The following ATR variants were observed in gnomAD, a reference collection of about 807,000 sequenced individuals.
The protein encoded by ATR is ATR checkpoint kinase.
A neutral mutation model predicts 305.3 loss-of-function variants in ATR; 142 were observed. That is an observed-to-expected ratio of 0.47 (90% CI 0.41 to 0.53). The LOEUF is 0.53. Ranked by LOEUF, ATR falls within the 20% of genes least tolerant of loss-of-function variation. The probability of loss-of-function intolerance (pLI) is 0.00; values close to 1 mark genes in which losing one functional copy is unlikely to be tolerated. For missense variants in ATR, 2,135 were observed against 3,133.1 expected (o/e 0.68, Z 7.60); for synonymous variants, 1,050 against 1,068.1 (o/e 0.98, Z 0.33).
At chr3:142,461,032 C>T (rs2071013517) in intron 42 of ATR, among the ~76,000 whole-genome samples, 1 of 152,146 alleles carries the variant, frequency 6.6e-6, no homozygotes, top group South Asian at 2.1e-4. Flanking sequence ...TTACACATTA[C>T]ATTTAGTTGT....
chr3:142,522,827 A>G lies in ATR; in HGVS notation c.4167T>C (p.Asp1389=). Residue 1389 remains aspartate (D), a synonymous_variant, in exon 23 of 47, where the codon GAT becomes GAC. Coordinates refer to ENST00000350721, the MANE Select transcript of ATR (RefSeq NM_001184.4). ...TCAATAATCCATAGGCAAAGCTTGAATCTTCTACTCCAGTCTCAATCAGAA... is the reference window on the plus strand; with the variant it reads ...TCAATAATCCATAGGCAAAGCTTGAGTCTTCTACTCCAGTCTCAATCAGAA... The part of the protein sequence containing the change: ...KDFTFVTGVE[D]SSFAYGLLME... 1 of 1,611,424 alleles carries G rather than the reference A, an allele frequency of 6.2e-7. No homozygotes were observed. The highest frequency in any genetic ancestry group is 8.5e-7 in the Non-Finnish European group (1 of 1,177,714).
chr3:142,516,704 C>A (rs980685405), intron 24 of ATR, among the ~76,000 whole-genome samples: 1 of 152,100 alleles, frequency 6.6e-6, no homozygotes, highest in South Asian at 2.1e-4. Context: ...AAAAAGAGAT[C>A]TATTCCTTCT....
intron 25 of ATR, among the ~76,000 whole-genome samples, chr3:142,513,907 T>A (rs1453891318): frequency 6.6e-6 from 1 of 151,974 alleles, no homozygotes; most frequent in Admixed American, 6.6e-5. Context: ...ACCCATAATA[T>A]TCCAGAGCTG....
Position 142,563,077 on chromosome 3 carries a change from G to A in ATR, c.325C>T (p.Arg109Trp), listed in dbSNP as rs146405935. 3.7e-4 allele frequency: 590 copies of A among 1,603,434 alleles called. 4 individuals carry two copies. In the East Asian group the frequency reaches 0.012, roughly 34 times the overall value. The change falls in exon 4 of 47, where the codon CGG becomes TGG. Residue 109 changes from arginine to tryptophan, a missense_variant. Around this residue, in one of 9 missense-constraint regions of ATR, gnomAD observed 744 missense variants for 873.2 expected, o/e 0.85. Transcript: ENST00000350721. ...TGACAGGAGGGAGTTGCTGCAATCC[G>A]CAGAAGTCTCGTTATGATCCAATTA... ...FSNWIITRLL[R>W]IAATPSCHLL...
chr3:142,557,180 T>A (rs1480539706), intron 8 of ATR, among the ~76,000 whole-genome samples: 1 of 152,112 alleles, frequency 6.6e-6, no homozygotes, highest in East Asian at 1.9e-4. Context: ...TCTTTTTTTT[T>A]AATGTGCTCT....
rs1309474194 is a variant in ATR at position 142,505,264 on chromosome 3, C to T, written c.5071G>A (p.Gly1691Arg). The change falls in exon 29 of 47, where the codon GGA (glycine) becomes AGA (arginine). Residue 1691 changes from glycine to arginine, a missense_variant. By Grantham distance (125) the Gly-to-Arg change is moderately radical. This residue lies in a region of ATR where 45 missense variants were observed against 80.4 expected (regional missense o/e 0.56). Transcript: ENST00000350721. ...AAMHEPDGVAGVSAIRKAEPS... is the reference protein window; with the variant it reads ...AAMHEPDGVARVSAIRKAEPS... ...TCTGCCTTTCTAATTGCACTGACTC[C>T]GGCCACTCCATCAGGTTCATGCATA... 17 of 1,613,824 alleles carry T rather than the reference C, an allele frequency of 1.1e-5. No homozygotes were observed. Among genetic ancestry groups the T allele is most frequent in the African/African-American group, 8.0e-5 (6 of 74,854 alleles).
In ATR at chr3:142,562,408, C is replaced by T. The variant is rs147932626; in HGVS notation, c.994G>A (p.Gly332Ser). ...TCAGACTTAAGCCGCATGAGCACAC[C>T]GTCTTCAAACATGACACAGAGTTTT... ...LEKLCVMFED[G>S]VLMRLKSDLL... The change falls in exon 4 of 47, where the codon GGT becomes AGT. Residue 332 changes from glycine (G) to serine (S), a missense_variant. By Grantham distance (56) the Gly-to-Ser change is moderately conservative. Coordinates refer to ENST00000350721, the MANE Select transcript of ATR (RefSeq NM_001184.4). The T allele has an allele frequency of 1.5e-5, 24 of 1,613,922 alleles. No homozygotes were observed. The African/African-American group carries it at 2.0e-4, about 13-fold the overall frequency.
Position 142,553,639 on chromosome 3 carries a change from C to T in ATR, c.2633+1G>A. ...AAGAACACAAATGCTGCCAAGTATACCTTCCAATATCCCCTGTTGTAAGAA... is the reference window on the plus strand; with the variant it reads ...AAGAACACAAATGCTGCCAAGTATATCTTCCAATATCCCCTGTTGTAAGAA... On this transcript the variant is annotated splice_donor_variant, in intron 12 of 46. Coordinates refer to ENST00000350721, the MANE Select transcript of ATR (RefSeq NM_001184.4). LOFTEE classifies it high-confidence loss of function. 1 of 1,600,264 alleles carries T rather than the reference C, an allele frequency of 6.2e-7. No homozygotes were observed. Among genetic ancestry groups the T allele is most frequent in the African/African-American group, 1.3e-5 (1 of 74,662 alleles).
At chr3:142,547,121 A>G (rs547335570) in intron 16 of ATR, among the ~76,000 whole-genome samples, 44 of 152,358 alleles carry the variant, frequency 2.9e-4, no homozygotes, top group Non-Finnish European at 1.6e-4. Context: ...AAAAATAATA[A>G]TTTAATTCTG....
At position 142,466,539 on chromosome 3, in the gene ATR, A is replaced by G. The variant is rs2071135605; in HGVS notation, c.6688-6T>C. On this transcript the variant is annotated splice_polypyrimidine_tract_variant and splice_region_variant and intron_variant, in intron 39 of 46. Transcript: ENST00000350721. Reference sequence around the variant, plus strand: ...GTGGAACTACTTCCATCAACCTGAAAAAATAAATAGTGCATTTTAATTTGT... The same window carrying G: ...GTGGAACTACTTCCATCAACCTGAAGAAATAAATAGTGCATTTTAATTTGT... 6.2e-7 allele frequency: 1 copy of G among 1,609,802 alleles called. No homozygotes were observed. Among genetic ancestry groups the G allele is most frequent in the East Asian group, 2.2e-5 (1 of 44,770 alleles).
chr3:142,564,332 G>T (rs1417709509), intron 3 of ATR, among the ~76,000 whole-genome samples: 10 of 151,622 alleles, frequency 6.6e-5, no homozygotes, highest in African/African-American at 2.2e-4. Flanking sequence ...GACAGGCAAG[G>T]TCCTAGCTTT....
At chr3:142,571,920 C>T (rs901322445) in intron 1 of ATR, among the ~76,000 whole-genome samples, 2 of 152,068 alleles carry the variant, frequency 1.3e-5, no homozygotes, top group Non-Finnish European at 2.9e-5. Context: ...GCGTGTGCCA[C>T]CACACCCAGC....
At chr3:142,482,437 C>A (rs147372022) in intron 36 of ATR, among the ~76,000 whole-genome samples, 55 of 152,224 alleles carry the variant, frequency 3.6e-4, no homozygotes, top group African/African-American at 1.2e-3. Flanking sequence ...CTTTATATAG[C>A]CACTTGTTTT....
chr3:142,488,799 A>G (rs1257714601), intron 35 of ATR, among the ~76,000 whole-genome samples: 7 of 152,212 alleles, frequency 4.6e-5, no homozygotes. Flanking sequence ...TTTAAATTCT[A>G]ATTGTCAATT....
chr3:142,461,871 A>T (rs2108265363), intron 42 of ATR, 69 bp downstream of exon 42: 3 of 1,501,198 alleles, frequency 2.0e-6, no homozygotes, highest in Non-Finnish European at 2.8e-6. Context: ...GCATATATTA[A>T]TACCAATTAT....
In ATR at chr3:142,536,346, TG is replaced by T. The variant is rs1205874445; in HGVS notation, c.3726-146del. The T allele has an allele frequency of 2.8e-5, 18 of 642,584 alleles. No homozygotes were observed. The African/African-American group carries it at 3.0e-4, about 11-fold the overall frequency. 39.8% of individuals were successfully genotyped at this position (642,584 alleles called of 1,614,324 possible). On this transcript the variant is annotated intron_variant, in intron 19 of 46. Coordinates refer to ENST00000350721, the MANE Select transcript of ATR (RefSeq NM_001184.4). ...TGAGCTGCAAAGTATTTTCTAACTATGTCTAAGATGCTCAGCTAAATTATTA... is the reference window on the plus strand; with the variant it reads ...TGAGCTGCAAAGTATTTTCTAACTATTCTAAGATGCTCAGCTAAATTATTA...
chr3:142,532,937 T>C (rs2033717020), intron 21 of ATR, among the ~76,000 whole-genome samples: 2 of 152,224 alleles, frequency 1.3e-5, no homozygotes, highest in Admixed American at 6.5e-5. Context: ...GTGGTATTCC[T>C]GTAGGTTCAA....
At chr3:142,543,430 C>T (rs1427966822) in intron 16 of ATR, among the ~76,000 whole-genome samples, 3 of 148,028 alleles carry the variant, frequency 2.0e-5, no homozygotes, top group East Asian at 2.0e-4. Context: ...TCCCTCCCTC[C>T]GTCCGTCCTT....
chr3:142,568,481 C>T (rs924293835), intron 1 of ATR, among the ~76,000 whole-genome samples: 1 of 152,164 alleles, frequency 6.6e-6, no homozygotes, highest in Non-Finnish European at 1.5e-5. Flanking sequence ...CAGTGGCAGC[C>T]CAGTTGGAGC....
Sources: allele counts gnomAD v4.1 joint callset (sites outside exome capture counted in the v4.1 genomes callset), GRCh38; gene constraint gnomAD v4.1.1; regional missense constraint gnomAD v4.1.1; transcripts MANE v1.5; gene names NCBI Gene and HGNC (gene_info 2026-07-23, HGNC 2026-07-21).